Variants in CASZ1 observed in about 807,000 individuals in gnomAD.
The protein encoded by CASZ1 is zinc finger protein castor homolog 1.
CASZ1 carries 28 observed loss-of-function variants against 135.2 expected under a neutral mutation model. That is an observed-to-expected ratio of 0.21 (90% CI 0.15 to 0.28). The LOEUF (loss-of-function observed/expected upper bound fraction) is 0.28. Ranked by LOEUF, CASZ1 falls within the 10% of genes least tolerant of loss-of-function variation. The pLI, the probability that CASZ1 is intolerant of heterozygous loss-of-function variation, is 1.00. For missense variants in CASZ1, 2,161 were observed against 2,453.3 expected (o/e 0.88, Z 2.52); for synonymous variants, 1,068 against 1,073.4 (o/e 0.99, Z 0.10).
chr1:10,735,733 G>A lies in CASZ1; in HGVS notation c.-77+24968C>T, dbSNP rs1252324499. The stretch of plus-strand genomic sequence containing the variant: ...GAGGTCAAATGCTTTTCAAGTCACG[G>A]GCATCTGCCTACCAAGGGACAGGCC... On this transcript the variant is annotated intron_variant, in intron 2 of 20. Coordinates refer to ENST00000377022, the MANE Select transcript of CASZ1 (RefSeq NM_001079843.3). This position sits in a 1 kb window ranked among gnomAD's most constrained non-coding sequence, Gnocchi z 5.1. Among the ~76,000 whole-genome samples the A allele has an allele frequency of 1.3e-5, 2 of 152,162 alleles. No individual in the cohort carries two copies. Among genetic ancestry groups the A allele is most frequent in the Admixed American group, 1.3e-4 (2 of 15,272 alleles).
chr1:10,725,184 C>G lies in CASZ1; in HGVS notation c.-76-19640G>C, dbSNP rs1218794109. Among the ~76,000 whole-genome samples, 1 of 152,132 alleles carries G rather than the reference C, an allele frequency of 6.6e-6. No individual in the cohort carries two copies. The highest frequency in any genetic ancestry group is 2.4e-5 in the African/African-American group (1 of 41,428). On this transcript the variant is annotated intron_variant, in intron 2 of 20. Coordinates refer to ENST00000377022, the MANE Select transcript of CASZ1 (RefSeq NM_001079843.3). This position sits in a 1 kb window ranked among gnomAD's most constrained non-coding sequence, Gnocchi z 4.4. ...GGATACGGCGAGAACGTGTTAAGACCAAGGAGTGACCATGTCACTGCCCAG... is the reference window on the plus strand; with the variant it reads ...GGATACGGCGAGAACGTGTTAAGACGAAGGAGTGACCATGTCACTGCCCAG...
chr1:10,769,586 G>A (rs186245193), intron 1 of CASZ1, among the ~76,000 whole-genome samples: 7 of 152,124 alleles, frequency 4.6e-5, no homozygotes, highest in Admixed American at 2.6e-4. Context: ...GGGTGATCTC[G>A]GCTCACTGCA....
chr1:10,700,705 C>T lies in CASZ1; in HGVS notation c.-24+4787G>A, dbSNP rs1639043772. On this transcript the variant is annotated intron_variant, in intron 3 of 20. Transcript: ENST00000377022. This position sits in a 1 kb window ranked among gnomAD's most constrained non-coding sequence, Gnocchi z 4.2. ...AGGCACTGACCCTCTACCTTCCCAG[C>T]ATCTTCAGGAAATCATCGTTAGTGG... 6.6e-6 allele frequency among the ~76,000 whole-genome samples: 1 copy of T among 152,158 alleles called. No individual in the cohort carries two copies. The highest frequency in any genetic ancestry group is 2.4e-5 in the African/African-American group (1 of 41,414).
chr1:10,750,352 T>C (rs960951400), intron 2 of CASZ1, among the ~76,000 whole-genome samples: 3 of 152,164 alleles, frequency 2.0e-5, no homozygotes, highest in African/African-American at 7.2e-5. Flanking sequence ...CACAGCTCAC[T>C]ATAGCCTCAA....
In CASZ1 at chr1:10,665,361, G is replaced by T; in HGVS notation, c.227C>A (p.Ala76Asp). The part of the protein sequence containing the change: ...RSGPESGAAR[A>D]PRSEEDKRRA... ...TCTCTTGTCTTCCTCGCTGCGGGGG[G>T]CCCGGGCTGCCCCAGACTCAGGGCC... Residue 76 changes from alanine to aspartate, a missense_variant, in exon 5 of 21, where the codon GCC (alanine) becomes GAC (aspartate). By Grantham distance (126) the Ala-to-Asp change is moderately radical. Around this residue, in one of 7 missense-constraint regions of CASZ1, gnomAD observed 590 missense variants for 609.8 expected, o/e 0.97. Coordinates refer to ENST00000377022, the MANE Select transcript of CASZ1 (RefSeq NM_001079843.3). 1.2e-6 allele frequency: 2 copies of T among 1,611,428 alleles called. No individual in the cohort carries two copies. The highest frequency in any genetic ancestry group is 1.7e-6 in the Non-Finnish European group (2 of 1,178,384).
chr1:10,693,010 G>A (rs1341510787), intron 4 of CASZ1, among the ~76,000 whole-genome samples: 1 of 152,180 alleles, frequency 6.6e-6, no homozygotes, highest in African/African-American at 2.4e-5. Context: ...CCCATGGGAA[G>A]CCCGCAAGAG....
At position 10,767,622 on chromosome 1, in the gene CASZ1, T is replaced by C. The variant is rs1640500457; in HGVS notation, c.-233-6765A>G. Among the ~76,000 whole-genome samples the C allele has an allele frequency of 6.6e-6, 1 of 152,146 alleles. No homozygotes were observed. Among genetic ancestry groups the C allele is most frequent in the Non-Finnish European group, 1.5e-5 (1 of 68,018 alleles). On this transcript the variant is annotated intron_variant, in intron 1 of 20. Coordinates refer to ENST00000377022, the MANE Select transcript of CASZ1 (RefSeq NM_001079843.3). This position sits in a 1 kb window ranked among gnomAD's most constrained non-coding sequence, Gnocchi z 4.2. ...CCTTTCTGCCATCGACCACCCAAAG[T>C]CATTCAGATATTTCCTCTCTCACTT...
At position 10,726,752 on chromosome 1, in the gene CASZ1, C is replaced by G. The variant is rs1355079342; in HGVS notation, c.-76-21208G>C. Among the ~76,000 whole-genome samples the G allele has an allele frequency of 1.3e-5, 2 of 152,208 alleles. No individual in the cohort carries two copies. The highest frequency in any genetic ancestry group is 4.8e-5 in the African/African-American group (2 of 41,456). ...AAGATGAGGCCCAGCCAAGGCCGCT[C>G]TGGTCCCTGGGGGGTCCTTGCTGCA... On this transcript the variant is annotated intron_variant, in intron 2 of 20. Transcript: ENST00000377022. The surrounding 1 kb of genome is among the most constrained non-coding windows in gnomAD (Gnocchi z 5.7).
At chr1:10,703,454 C>T (rs1639105745) in intron 3 of CASZ1, among the ~76,000 whole-genome samples, 1 of 152,166 alleles carries the variant, frequency 6.6e-6, no homozygotes, top group Non-Finnish European at 1.5e-5. Context: ...ATAACTCAAC[C>T]TTCACAGCTT....
chr1:10,681,240 C>T (rs1638410842), intron 4 of CASZ1, among the ~76,000 whole-genome samples: 1 of 151,836 alleles, frequency 6.6e-6, no homozygotes, highest in East Asian at 1.9e-4. Context: ...CCATTACCCT[C>T]ATCCCCATCC....
In CASZ1 at chr1:10,649,296, C is replaced by T. The variant is rs1210318080; in HGVS notation, c.3022G>A (p.Val1008Met). The stretch of plus-strand genomic sequence containing the variant: ...GCAGCCCCTCACCTGCGCAGGTACA[C>T]CTTCCAGGGCTCTGCCAACTTCTCC... ...VQEKLAEPWK[V>M]YLRRFGTKDF... The change falls in exon 14 of 21, where the codon GTG becomes ATG. Residue 1008 changes from valine to methionine, a missense_variant. Physicochemically the swap from Val to Met is conservative, Grantham distance 21. This residue lies in a region of CASZ1 where 406 missense variants were observed against 387.6 expected (regional missense o/e 1.05). Coordinates refer to ENST00000377022, the MANE Select transcript of CASZ1 (RefSeq NM_001079843.3). The T allele has an allele frequency of 1.9e-6, 3 of 1,597,570 alleles. No homozygotes were observed.
intron 1 of CASZ1, among the ~76,000 whole-genome samples, chr1:10,778,107 A>G (rs1640694217): frequency 6.6e-6 from 1 of 152,062 alleles, no homozygotes; most frequent in Admixed American, 6.5e-5. Context: ...ACACAATCTC[A>G]CAATCACAAT....
chr1:10,720,140 C>T lies in CASZ1; in HGVS notation c.-76-14596G>A, dbSNP rs1304620596. Among the ~76,000 whole-genome samples the T allele has an allele frequency of 6.6e-6, 1 of 152,168 alleles. No individual in the cohort carries two copies. The highest frequency in any genetic ancestry group is 1.5e-5 in the Non-Finnish European group (1 of 68,034). ...AGGTACCGATGGGCATGTGATCTGGCCTCTCCGAGGTTCAATTTCCTTGTC... is the reference window on the plus strand; with the variant it reads ...AGGTACCGATGGGCATGTGATCTGGTCTCTCCGAGGTTCAATTTCCTTGTC... On this transcript the variant is annotated intron_variant, in intron 2 of 20. Transcript: ENST00000377022. This position sits in a 1 kb window ranked among gnomAD's most constrained non-coding sequence, Gnocchi z 5.7.
intron 2 of CASZ1, among the ~76,000 whole-genome samples, chr1:10,723,278 C>A (rs1639537129): frequency 6.6e-6 from 1 of 152,218 alleles, no homozygotes; most frequent in Non-Finnish European, 1.5e-5. Context: ...ATCACCACTG[C>A]ACAGTGAGTG....
Position 10,707,393 on chromosome 1 carries a change from G to A in CASZ1, c.-76-1849C>T, listed in dbSNP as rs971246920. 6.6e-6 allele frequency among the ~76,000 whole-genome samples: 1 copy of A among 152,180 alleles called. No individual in the cohort carries two copies. The highest frequency in any genetic ancestry group is 6.5e-5 in the Admixed American group (1 of 15,278). On this transcript the variant is annotated intron_variant, in intron 2 of 20. Coordinates refer to ENST00000377022, the MANE Select transcript of CASZ1 (RefSeq NM_001079843.3). The surrounding 1 kb of genome is among the most constrained non-coding windows in gnomAD (Gnocchi z 5.0). ...CTGTTTTCTGACAACAAGGGAGCGC[G>A]GGAGACCGGAGCGCTGAACCCAAAT...
At chr1:10,671,330 G>C (rs146781893) in intron 4 of CASZ1, among the ~76,000 whole-genome samples, 2 of 152,156 alleles carry the variant, frequency 1.3e-5, no homozygotes, top group Non-Finnish European at 2.9e-5. Context: ...CTGTGCGCGC[G>C]CACACACGCT....
intron 2 of CASZ1, among the ~76,000 whole-genome samples, chr1:10,734,278 G>GA (rs36012614): frequency 0.43 from 43,567 of 101,752 alleles, 7,568 homozygotes; most frequent in East Asian, 0.61. Context: ...GAAGAAGCAA[G>GA]AAAAAAAAAA....
rs1639505193 is a variant in CASZ1 at position 10,722,000 on chromosome 1, G to A, written c.-76-16456C>T. Among the ~76,000 whole-genome samples, 1 of 152,262 alleles carries A rather than the reference G, an allele frequency of 6.6e-6. No homozygotes were observed. The highest frequency in any genetic ancestry group is 1.5e-5 in the Non-Finnish European group (1 of 68,044). On this transcript the variant is annotated intron_variant, in intron 2 of 20. Transcript: ENST00000377022. The surrounding 1 kb of genome is among the most constrained non-coding windows in gnomAD (Gnocchi z 5.4). The stretch of plus-strand genomic sequence containing the variant: ...TTGACAGAGGCCACCTAGGGAAACT[G>A]AGGCACAGCAGAGCATCTGCTCGTT...
chr1:10,723,584 G>C (rs1439481460), intron 2 of CASZ1, among the ~76,000 whole-genome samples: 1 of 152,168 alleles, frequency 6.6e-6, no homozygotes, highest in African/African-American at 2.4e-5. Context: ...GGTGGGGTTA[G>C]GCCAGCTTCC....
Sources: gnomAD v4.1 joint callset for allele counts (sites outside exome capture counted in the v4.1 genomes callset) on GRCh38, gnomAD v4.1.1 for gene constraint, gnomAD v4.1.1 regional missense constraint, Gnocchi (gnomAD v3.1) non-coding constraint, MANE v1.5 for transcripts, NCBI Gene and HGNC (gene_info 2026-07-23, HGNC 2026-07-21) for gene names.